HIBCH: variants seen among roughly 807,000 people sequenced by gnomAD.
HIBCH encodes the protein 3-hydroxyisobutyryl-CoA hydrolase, also known as 3-hydroxyisobutyryl-CoA hydrolase, mitochondrial.
HIBCH carries 50 observed loss-of-function variants against 58.2 expected under a neutral mutation model. That is an observed-to-expected ratio of 0.86 (90% CI 0.68 to 1.09). HIBCH has a LOEUF of 1.09. HIBCH is among the 50% of genes least tolerant of loss of function. The probability of loss-of-function intolerance (pLI) is 0.00; values close to 1 mark genes in which losing one functional copy is unlikely to be tolerated. For synonymous variants in HIBCH, 151 were observed against 146.9 expected, an observed-to-expected ratio of 1.03 and a Z score of -0.20; for missense variants, 450 against 449.7, an observed-to-expected ratio of 1.00 and a Z score of -0.01.
chr2:190,294,040 A>G (rs1367841835), intron 4 of HIBCH, among the ~76,000 whole-genome samples: 4 of 146,272 alleles, frequency 2.7e-5, no homozygotes, highest in South Asian at 4.3e-4. Flanking sequence ...ATATATATAT[A>G]TATATATATA....
At chr2:190,267,445 C>T (rs1024260158) in intron 6 of HIBCH, among the ~76,000 whole-genome samples, 3 of 152,020 alleles carry the variant, frequency 2.0e-5, no homozygotes, top group African/African-American at 7.2e-5. Flanking sequence ...TATTCATCCA[C>T]CTCGGCCTCC....
At chr2:190,288,023 C>A (rs546971105) in intron 5 of HIBCH, among the ~76,000 whole-genome samples, 1 of 151,874 alleles carries the variant, frequency 6.6e-6, no homozygotes, top group East Asian at 1.9e-4. Context: ...TGGTGGCAGG[C>A]ACCTGTGCTC....
intron 5 of HIBCH, 71 bp from the exon 6 acceptor site, chr2:190,287,709 C>T: frequency 8.9e-7 from 1 of 1,120,912 alleles, no homozygotes; most frequent in Non-Finnish European, 1.3e-6. Context: ...AAAAAAAACC[C>T]ACATTATATA....
At chr2:190,199,021 A>G (rs1690113241), downstream of HIBCH, among the ~76,000 whole-genome samples, 1 of 152,174 alleles carries the variant, frequency 6.6e-6, no homozygotes, top group African/African-American at 2.4e-5. Flanking sequence ...GCTATATGTA[A>G]CCTATATTGT....
Position 190,246,139 on chromosome 2 carries a change from T to C in HIBCH, c.809+15A>G. 1 of 1,452,384 alleles carries C rather than the reference T, an allele frequency of 6.9e-7. No homozygotes were observed. The highest frequency in any genetic ancestry group is 1.1e-5 in the South Asian group (1 of 87,534). The allele number at this position is 1,452,384 out of a possible 1,614,324, so 90.0% of individuals were successfully genotyped here. A position where few individuals can be genotyped will look rare whatever the true frequency, so the allele number is the denominator to read the frequency against. ...TTTCTAAAGGAATATATAACTGAGATCTCTTTTTAGGTACCTGTTTATTTT... is the reference window on the plus strand; with the variant it reads ...TTTCTAAAGGAATATATAACTGAGACCTCTTTTTAGGTACCTGTTTATTTT... On this transcript the variant is annotated intron_variant, in intron 10 of 13. Coordinates refer to ENST00000359678, the MANE Select transcript of HIBCH (RefSeq NM_014362.4).
chr2:190,261,291 C>A, intron 6 of HIBCH, 57 bp from the exon 7 acceptor site: 1 of 1,225,044 alleles, frequency 8.2e-7, no homozygotes, highest in Non-Finnish European at 1.2e-6. Flanking sequence ...TGTTAAAAAA[C>A]AAGCAAATTC....
chr2:190,292,808 C>T (rs1346667321), intron 4 of HIBCH, among the ~76,000 whole-genome samples: 4 of 152,140 alleles, frequency 2.6e-5, no homozygotes, highest in Non-Finnish European at 5.9e-5. Context: ...AGCTCTTTTA[C>T]CTCAAAAACC....
In HIBCH at chr2:190,205,027, G is replaced by A. The variant is rs554673601; in HGVS notation, c.*90C>T. On this transcript the variant is annotated 3_prime_UTR_variant, in exon 14 of 14. Coordinates refer to ENST00000359678, the MANE Select transcript of HIBCH (RefSeq NM_014362.4). Reference sequence around the variant, plus strand: ...GCGGAAACCATTCTTAGCTTACAGGGTATATAAAAACAGGCAGCAGGCTGG... The same window carrying A: ...GCGGAAACCATTCTTAGCTTACAGGATATATAAAAACAGGCAGCAGGCTGG... 421 of 729,178 alleles carry A rather than the reference G, an allele frequency of 5.8e-4. 6 individuals carry two copies. The South Asian group carries it at 6.0e-3, about 10-fold the overall frequency. 45.2% of individuals were successfully genotyped at this position (729,178 alleles called of 1,614,324 possible).
rs1025464589 is a variant in HIBCH at position 190,211,367 on chromosome 2, C to T, written c.1011+1589G>A. On this transcript the variant is annotated intron_variant, in intron 12 of 13. Transcript: ENST00000359678. This position sits in a 1 kb window ranked among gnomAD's most constrained non-coding sequence, Gnocchi z 5.0. The stretch of plus-strand genomic sequence containing the variant: ...TCCATTTACTTCTCTCAATTGCCAC[C>T]ATGCTTGTCTCAAAACTACTATTTC... 2.6e-5 allele frequency among the ~76,000 whole-genome samples: 4 copies of T among 152,178 alleles called. No individual in the cohort carries two copies. Among genetic ancestry groups the T allele is most frequent in the Admixed American group, 6.5e-5 (1 of 15,274 alleles).
chr2:190,218,243 A>G (rs1049985047), intron 11 of HIBCH, among the ~76,000 whole-genome samples: 3 of 152,314 alleles, frequency 2.0e-5, no homozygotes, highest in Admixed American at 2.0e-4. Flanking sequence ...AGCTGGAATC[A>G]GGTCTGGTGG....
chr2:190,307,775 A>G (rs1281945858), intron 2 of HIBCH, among the ~76,000 whole-genome samples: 1 of 152,260 alleles, frequency 6.6e-6, no homozygotes. Flanking sequence ...GTCTACAGAT[A>G]GAAATGAGGC....
chr2:190,287,766 G>A (rs533105041), intron 5 of HIBCH, 128 bp from the exon 6 acceptor site: 12 of 675,588 alleles, frequency 1.8e-5, no homozygotes, highest in South Asian at 1.0e-4. Context: ...CACCAAAGAC[G>A]ACTAAATGTA....
intron 3 of HIBCH, among the ~76,000 whole-genome samples, chr2:190,296,037 A>G (rs1250159410): frequency 1.3e-5 from 2 of 152,220 alleles, no homozygotes; most frequent in African/African-American, 4.8e-5. Context: ...CAAACCAGAC[A>G]GTCTGACTTT....
In HIBCH at chr2:190,243,375, C is replaced by A. The variant is rs114912717; in HGVS notation, c.891+1512G>T. Among the ~76,000 whole-genome samples the A allele has an allele frequency of 3.3e-5, 5 of 152,120 alleles. No homozygotes were observed. The highest frequency in any genetic ancestry group is 1.9e-4 in the East Asian group (1 of 5,194). ...AGCTTGTAGACAGCCTACTGTGGGACCTTGTGATTGTGCAGGTTAATACTT... is the reference window on the plus strand; with the variant it reads ...AGCTTGTAGACAGCCTACTGTGGGAACTTGTGATTGTGCAGGTTAATACTT... On this transcript the variant is annotated intron_variant, in intron 11 of 13. Coordinates refer to ENST00000359678, the MANE Select transcript of HIBCH (RefSeq NM_014362.4). The surrounding 1 kb of genome is among the most constrained non-coding windows in gnomAD (Gnocchi z 4.1).
intron 11 of HIBCH, among the ~76,000 whole-genome samples, chr2:190,224,418 T>C (rs1284300192): frequency 1.3e-5 from 2 of 151,708 alleles, no homozygotes; most frequent in Admixed American, 1.3e-4. Context: ...CACACAGGCT[T>C]AAAATAAAGG....
At chr2:190,240,121 T>C (rs1199405292) in intron 11 of HIBCH, among the ~76,000 whole-genome samples, 4 of 152,212 alleles carry the variant, frequency 2.6e-5, no homozygotes, top group East Asian at 3.8e-4. Context: ...TGTGAATCCA[T>C]CTAGTCCTGG....
Position 190,296,904 on chromosome 2 carries a change from T to G in HIBCH, c.128A>C (p.Lys43Thr). The G allele has an allele frequency of 1.9e-6, 3 of 1,613,950 alleles. No individual in the cohort carries two copies. Among genetic ancestry groups the G allele is most frequent in the Admixed American group, 3.3e-5 (2 of 60,016 alleles). ...TAGTGTTATGACTCCCGTGCAACCTTTTTTTTCCAATAGCACCTCTTCTGC... is the reference window on the plus strand; with the variant it reads ...TAGTGTTATGACTCCCGTGCAACCTGTTTTTTCCAATAGCACCTCTTCTGC... ...DAAEEVLLEK[K>T]GCTGVITLNR... Residue 43 changes from lysine to threonine, a missense_variant, in exon 3 of 14, where the codon AAA becomes ACA. Coordinates refer to ENST00000359678, the MANE Select transcript of HIBCH (RefSeq NM_014362.4).
intron 1 of HIBCH, among the ~76,000 whole-genome samples, chr2:190,193,417 G>A (rs1339060174): frequency 6.6e-6 from 1 of 152,046 alleles, no homozygotes; most frequent in Non-Finnish European, 1.5e-5. Flanking sequence ...GCCTCATATA[G>A]AATAATTCGG....
intron 6 of HIBCH, among the ~76,000 whole-genome samples, chr2:190,263,186 T>C (rs1397131408): frequency 6.6e-6 from 1 of 152,188 alleles, no homozygotes; most frequent in Non-Finnish European, 1.5e-5. Context: ...CAAGTTTTAT[T>C]GTATTAGCTA....
Sources: gnomAD v4.1 joint callset for allele counts (sites outside exome capture counted in the v4.1 genomes callset) on GRCh38, gnomAD v4.1.1 for gene constraint, Gnocchi (gnomAD v3.1) non-coding constraint, MANE v1.5 for transcripts, NCBI Gene and HGNC (gene_info 2026-07-23, HGNC 2026-07-21) for gene names.